Variants in SYN3 observed in about 807,000 individuals in gnomAD.
SYN3 encodes synapsin III.
SYN3 carries 35 observed loss-of-function variants against 65.8 expected under a neutral mutation model. That is an observed-to-expected ratio of 0.53 (90% CI 0.41 to 0.70). The LOEUF (loss-of-function observed/expected upper bound fraction) is 0.70. SYN3 is among the 30% of genes least tolerant of loss of function. SYN3 has a pLI of 0.00. For synonymous variants in SYN3, 270 were observed against 292.9 expected (o/e 0.92, Z 0.80); for missense variants, 680 against 749.0 (o/e 0.91, Z 1.08).
In SYN3 at chr22:32,950,806, C is replaced by T. The variant is rs924201026; in HGVS notation, c.370-19325G>A. On this transcript the variant is annotated intron_variant, in intron 3 of 13. Transcript: ENST00000358763. Reference sequence around the variant, plus strand: ...CGAACCTGGGGCAGCTAACGCTGGACTGTAATTTCAGTGGTGATTTGCCGT... The same window carrying T: ...CGAACCTGGGGCAGCTAACGCTGGATTGTAATTTCAGTGGTGATTTGCCGT... 2.0e-5 allele frequency among the ~76,000 whole-genome samples: 3 copies of T among 152,222 alleles called. No individual in the cohort carries two copies. In the South Asian group the frequency reaches 6.2e-4, roughly 32 times the overall value.
At chr22:32,874,150 G>A (rs1405687850) in intron 4 of SYN3, among the ~76,000 whole-genome samples, 2 of 151,956 alleles carry the variant, frequency 1.3e-5, no homozygotes, top group Non-Finnish European at 1.5e-5. Context: ...GAAAAAGAAA[G>A]TAAAAAGAAA....
chr22:32,994,896 A>T (rs1319650079), intron 2 of SYN3, among the ~76,000 whole-genome samples: 1 of 152,212 alleles, frequency 6.6e-6, no homozygotes, highest in Non-Finnish European at 1.5e-5. Context: ...GCCTCTTAGG[A>T]CAGCCTAAGC....
At chr22:32,706,692 C>CACTG (rs1463088252) in intron 6 of SYN3, among the ~76,000 whole-genome samples, 1 of 152,254 alleles carries the variant, frequency 6.6e-6, no homozygotes, top group East Asian at 1.9e-4. Flanking sequence ...ATTTGCAGCA[C>CACTG]ACTGACTTTG....
intron 4 of SYN3, among the ~76,000 whole-genome samples, chr22:32,918,513 T>TA (rs2050248451): frequency 6.6e-6 from 1 of 152,342 alleles, no homozygotes; most frequent in Middle Eastern, 3.4e-3. Context: ...TAGCATATCT[T>TA]ATATCTCTAT....
intron 12 of SYN3, among the ~76,000 whole-genome samples, chr22:32,525,844 G>T (rs577995990): frequency 6.6e-6 from 1 of 152,336 alleles, no homozygotes; most frequent in East Asian, 1.9e-4. Context: ...GTTCTACTAT[G>T]GGTAAAATGC....
intron 3 of SYN3, among the ~76,000 whole-genome samples, chr22:32,973,415 A>C (rs2052082984): frequency 6.6e-6 from 1 of 151,984 alleles, no homozygotes; most frequent in African/African-American, 2.4e-5. Flanking sequence ...TACTACTTTT[A>C]CCCCCGCCAA....
At chr22:32,520,849 G>A (rs115765556) in intron 12 of SYN3, among the ~76,000 whole-genome samples, 117 of 152,256 alleles carry the variant, frequency 7.7e-4, no homozygotes, top group African/African-American at 2.6e-3. Flanking sequence ...CCATTAACTC[G>A]CTGTGTGACC....
chr22:32,907,367 C>T (rs2049929284), intron 4 of SYN3, among the ~76,000 whole-genome samples: 1 of 152,174 alleles, frequency 6.6e-6, no homozygotes, highest in Non-Finnish European at 1.5e-5. Context: ...CAAGCTTGAC[C>T]TCTAAACCCC....
At chr22:32,624,737 G>C (rs1002135677) in intron 6 of SYN3, among the ~76,000 whole-genome samples, 1 of 152,218 alleles carries the variant, frequency 6.6e-6, no homozygotes, top group African/African-American at 2.4e-5. Flanking sequence ...AAGTTCCCAG[G>C]TCTGGGCCCT....
At chr22:32,849,337 C>T in intron 6 of SYN3, 1 of 840,250 alleles carries the variant, frequency 1.2e-6, no homozygotes, top group Non-Finnish European at 2.0e-6. Flanking sequence ...CAGTTGGCTC[C>T]AAGGTAAGAG....
At chr22:32,735,757 G>T (rs572603715) in intron 6 of SYN3, among the ~76,000 whole-genome samples, 99 of 152,346 alleles carry the variant, frequency 6.5e-4, no homozygotes, top group Non-Finnish European at 1.2e-3. Flanking sequence ...AGCCCACAGG[G>T]AGGCTGGTGA....
intron 2 of SYN3, among the ~76,000 whole-genome samples, chr22:32,991,371 T>TAATAATAAC (rs2052713557): frequency 6.7e-6 from 1 of 149,352 alleles, no homozygotes; most frequent in African/African-American, 2.5e-5. Context: ...ATAATAATAA[T>TAATAATAAC]AGTAATAATA....
chr22:33,004,369 T>G (rs949618287), intron 2 of SYN3, among the ~76,000 whole-genome samples: 2 of 152,238 alleles, frequency 1.3e-5, no homozygotes, highest in African/African-American at 4.8e-5. Context: ...TGCAAAACTA[T>G]AGGGATGGAG....
chr22:32,866,146 C>T (rs755781363), intron 5 of SYN3, among the ~76,000 whole-genome samples: 9 of 152,096 alleles, frequency 5.9e-5, no homozygotes, highest in African/African-American at 9.7e-5. Context: ...AATCAGATTC[C>T]GAACAAGATA....
At chr22:32,856,460 C>T (rs988870520) in intron 6 of SYN3, among the ~76,000 whole-genome samples, 1 of 152,046 alleles carries the variant, frequency 6.6e-6, no homozygotes, top group Admixed American at 6.5e-5. Context: ...AATAGGGGAG[C>T]GAGATTCCCT....
At chr22:32,652,754 G>A (rs2060090825) in intron 6 of SYN3, among the ~76,000 whole-genome samples, 2 of 152,094 alleles carry the variant, frequency 1.3e-5, no homozygotes, top group South Asian at 4.1e-4. Flanking sequence ...CCAAAGGGAG[G>A]GGAAACTTCC....
At chr22:32,969,846 A>G (rs550153315) in intron 3 of SYN3, among the ~76,000 whole-genome samples, 6 of 152,334 alleles carry the variant, frequency 3.9e-5, no homozygotes, top group Non-Finnish European at 8.8e-5. Flanking sequence ...GCTATCTACT[A>G]TCAAAGAGAC....
At chr22:32,799,396 T>C (rs899256742) in intron 6 of SYN3, among the ~76,000 whole-genome samples, 2 of 152,234 alleles carry the variant, frequency 1.3e-5, no homozygotes, top group East Asian at 1.9e-4. Context: ...ATTATACTTG[T>C]GCTTTCATAA....
intron 7 of SYN3, among the ~76,000 whole-genome samples, chr22:32,569,557 CTCTCTCTCTCTCTCTATA>C (rs1266759505): frequency 6.5e-5 from 5 of 76,632 alleles, no homozygotes; most frequent in South Asian, 5.7e-4. Flanking sequence ...CTCTCTCTCT[CTCTCTCTCTCTCTCTATA>C]TATATATATA....
Sources: gnomAD v4.1 joint callset for allele counts (sites outside exome capture counted in the v4.1 genomes callset) on GRCh38, gnomAD v4.1.1 for gene constraint, MANE v1.5 for transcripts, NCBI Gene and HGNC (gene_info 2026-07-23, HGNC 2026-07-21) for gene names.